Variants in ZNF609 observed in about 807,000 individuals in gnomAD.
The protein encoded by ZNF609 is zinc finger protein 609.
ZNF609 carries 11 observed loss-of-function variants against 109.5 expected under a neutral mutation model. The ratio of observed to expected loss-of-function variants is 0.10; its 90% confidence interval spans 0.06 to 0.17. The LOEUF (loss-of-function observed/expected upper bound fraction) is 0.17. Among genes scored for constraint, ZNF609 ranks in the 10% least tolerant of loss-of-function variants. ZNF609 has a pLI of 1.00. For synonymous variants in ZNF609, 646 were observed against 662.0 expected (o/e 0.98, Z 0.37); for missense variants, 1,559 against 1,772.4 (o/e 0.88, Z 2.16).
chr15:64,641,128 A>G (rs1197123701), intron 3 of ZNF609, among the ~76,000 whole-genome samples: 1 of 151,908 alleles, frequency 6.6e-6, no homozygotes, highest in African/African-American at 2.4e-5. Context: ...GCTCTCTAAT[A>G]ATACTTTTGC....
Position 64,661,812 on chromosome 15 carries a change from A to G in ZNF609, c.974-8534A>G, listed in dbSNP as rs1167752860. On this transcript the variant is annotated intron_variant, in intron 3 of 9. Coordinates refer to ENST00000326648, the MANE Select transcript of ZNF609 (RefSeq NM_015042.2). Reference sequence around the variant, plus strand: ...TTTTGTAACTTCAATACTTCACAGAATGCTTGGCAAATAATAGATGCTCAA... The same window carrying G: ...TTTTGTAACTTCAATACTTCACAGAGTGCTTGGCAAATAATAGATGCTCAA... 3.3e-5 allele frequency among the ~76,000 whole-genome samples: 5 copies of G among 152,246 alleles called. No individual in the cohort carries two copies. In the South Asian group the frequency reaches 1.0e-3, roughly 31 times the overall value.
chr15:64,667,270 C>T (rs1223266071), intron 3 of ZNF609, among the ~76,000 whole-genome samples: 2 of 152,110 alleles, frequency 1.3e-5, no homozygotes, highest in South Asian at 2.1e-4. Context: ...CATTGTATGT[C>T]GAAGAATAAA....
intron 1 of ZNF609, among the ~76,000 whole-genome samples, chr15:64,498,943 G>T (rs575244867): frequency 6.6e-6 from 1 of 152,176 alleles, no homozygotes; most frequent in South Asian, 2.1e-4. Flanking sequence ...GCTTGCATCT[G>T]TGATATGCCA....
intron 2 of ZNF609, chr15:64,528,706 C>T (rs905013745): frequency 1.2e-5 from 14 of 1,185,132 alleles, no homozygotes; most frequent in East Asian, 4.7e-5. Flanking sequence ...GGTGCACCAC[C>T]CTGTTGCTGT....
At chr15:64,603,693 GA>G (rs2140950829) in intron 2 of ZNF609, among the ~76,000 whole-genome samples, 1 of 151,428 alleles carries the variant, frequency 6.6e-6, no homozygotes, top group Admixed American at 6.6e-5. Context: ...TTCCTCTGTT[GA>G]ATTTATCCCT....
rs140246055 is a variant in ZNF609, at chr15:64,512,230, G to A, written c.747+12064G>A. Among the ~76,000 whole-genome samples the A allele has an allele frequency of 3.1e-3, 473 of 152,188 alleles. 1 individual carries two copies. The highest frequency in any genetic ancestry group is 5.6e-3 in the Non-Finnish European group (380 of 67,994). On this transcript the variant is annotated intron_variant, in intron 2 of 9. Coordinates refer to ENST00000326648, the MANE Select transcript of ZNF609 (RefSeq NM_015042.2). ...AATTTCTGACAGCCTTTAAGGTAGA[G>A]CATCCATATTTGTGTTACTAATTCA... is the stretch of plus-strand genomic sequence containing the variant.
At chr15:64,559,198 G>T (rs2140401614) in intron 2 of ZNF609, among the ~76,000 whole-genome samples, 1 of 152,292 alleles carries the variant, frequency 6.6e-6, no homozygotes, top group East Asian at 1.9e-4. Context: ...GGTGCTTGTT[G>T]TTCTGCCTTA....
At chr15:64,485,950 T>C (rs536860418) in intron 1 of ZNF609, among the ~76,000 whole-genome samples, 2 of 152,312 alleles carry the variant, frequency 1.3e-5, no homozygotes, top group East Asian at 3.9e-4. Flanking sequence ...ATAATCACTT[T>C]TGTATATATG....
intron 2 of ZNF609, among the ~76,000 whole-genome samples, chr15:64,562,244 G>T (rs1364854213): frequency 6.6e-6 from 1 of 152,152 alleles, no homozygotes; most frequent in Non-Finnish European, 1.5e-5. Flanking sequence ...TCAAAGTTCT[G>T]TTCACTTAAA....
At chr15:64,667,002 C>T (rs1376740287) in intron 3 of ZNF609, among the ~76,000 whole-genome samples, 3 of 152,018 alleles carry the variant, frequency 2.0e-5, no homozygotes, top group Admixed American at 6.6e-5. Context: ...TGGTGATGTG[C>T]GCCTCTAGTC....
chr15:64,496,103 G>T (rs763956919), intron 1 of ZNF609, among the ~76,000 whole-genome samples: 1 of 152,198 alleles, frequency 6.6e-6, no homozygotes, highest in Non-Finnish European at 1.5e-5. Context: ...ACAGGCATGA[G>T]CCTGTGCCTG....
intron 1 of ZNF609, among the ~76,000 whole-genome samples, chr15:64,483,314 G>A (rs1264534466): frequency 1.3e-5 from 2 of 152,068 alleles, no homozygotes; most frequent in Non-Finnish European, 2.9e-5. Context: ...GGCTGGTCTC[G>A]AACTCCCAGC....
At chr15:64,553,182 T>C (rs1469431542) in intron 2 of ZNF609, among the ~76,000 whole-genome samples, 2 of 152,152 alleles carry the variant, frequency 1.3e-5, no homozygotes, top group African/African-American at 2.4e-5. Flanking sequence ...TCATATGATT[T>C]AAATCTTTCA....
In ZNF609 at chr15:64,524,521, G is replaced by A. The variant is rs140307248; in HGVS notation, c.747+24355G>A. Among the ~76,000 whole-genome samples, 376 of 148,656 alleles carry A rather than the reference G, an allele frequency of 2.5e-3. 2 individuals are homozygous for A. Among genetic ancestry groups the A allele is most frequent in the African/African-American group, 8.7e-3 (351 of 40,266 alleles). Reference sequence around the variant, plus strand: ...GGAGGTTGCAATGAGGCAAGATTGCGTCATTGCACTCCAGTCTGGGAGACA... The same window carrying A: ...GGAGGTTGCAATGAGGCAAGATTGCATCATTGCACTCCAGTCTGGGAGACA... On this transcript the variant is annotated intron_variant, in intron 2 of 9. Coordinates refer to ENST00000326648, the MANE Select transcript of ZNF609 (RefSeq NM_015042.2).
chr15:64,541,555 A>T (rs1272839949), intron 2 of ZNF609, among the ~76,000 whole-genome samples: 1 of 151,070 alleles, frequency 6.6e-6, no homozygotes, highest in African/African-American at 2.4e-5. Flanking sequence ...TTTAAGTAGA[A>T]TTCCGCCGGG....
In ZNF609 at chr15:64,670,443, T is replaced by C; in HGVS notation, c.1061+10T>C. The C allele has an allele frequency of 6.2e-7, 1 of 1,609,540 alleles. No individual in the cohort carries two copies. The highest frequency in any genetic ancestry group is 8.5e-7 in the Non-Finnish European group (1 of 1,175,712). On this transcript the variant is annotated intron_variant, in intron 4 of 9. Coordinates refer to ENST00000326648, the MANE Select transcript of ZNF609 (RefSeq NM_015042.2). The stretch of plus-strand genomic sequence containing the variant: ...ATTGGGCACCCCCAAGGTAAGCACT[T>C]ACAGCTATTTAGTTTATATTATTCT...
At chr15:64,618,455 T>C (rs1895832835) in intron 2 of ZNF609, among the ~76,000 whole-genome samples, 1 of 152,064 alleles carries the variant, frequency 6.6e-6, no homozygotes, top group Non-Finnish European at 1.5e-5. Flanking sequence ...TTAGGCGGCT[T>C]GTGTTAGCTC....
intron 3 of ZNF609, among the ~76,000 whole-genome samples, chr15:64,666,911 G>A (rs929183283): frequency 1.3e-5 from 2 of 151,922 alleles, no homozygotes; most frequent in South Asian, 4.1e-4. Flanking sequence ...GGCGGATCAT[G>A]AGATCAGGAG....
chr15:64,680,009 T>C (rs965749035), intron 6 of ZNF609, among the ~76,000 whole-genome samples, 176 bp from the exon 7 acceptor site: 1 of 152,180 alleles, frequency 6.6e-6, no homozygotes. Flanking sequence ...TTAGCTAATT[T>C]TTCCTGTAGA....
Sources: gnomAD v4.1 joint callset for allele counts (sites outside exome capture counted in the v4.1 genomes callset) on GRCh38, gnomAD v4.1.1 for gene constraint, MANE v1.5 for transcripts, NCBI Gene and HGNC (gene_info 2026-07-23, HGNC 2026-07-21) for gene names.